The following SGCZ variants were observed in gnomAD, a reference collection of about 807,000 sequenced individuals.
SGCZ encodes the protein zeta-sarcoglycan.
In SGCZ, 40 loss-of-function variants were observed where a neutral mutation model predicts 41.3. That is an observed-to-expected ratio of 0.97 (90% CI 0.75 to 1.26). The LOEUF is 1.26. Ranked by LOEUF, SGCZ falls within the 50% of genes most tolerant of loss-of-function variation. The probability of loss-of-function intolerance (pLI) is 0.00; values close to 1 mark genes in which losing one functional copy is unlikely to be tolerated. For synonymous variants in SGCZ, 206 were observed against 137.5 expected, an observed-to-expected ratio of 1.50 and a Z score of -3.49; for missense variants, 552 against 369.8, an observed-to-expected ratio of 1.49 and a Z score of -4.04.
At chr8:14,471,624 AAAAGTAATTTACCACAAATGTCACATC>A (rs1801215213) in intron 2 of SGCZ, among the ~76,000 whole-genome samples, 1 of 152,098 alleles carries the variant, frequency 6.6e-6, no homozygotes, top group South Asian at 2.1e-4. Context: ...AACTCCCTGG[AAAAGTAATTTACCACAAATGTCACATC>A]AGCTACATAA....
chr8:14,846,472 A>G (rs1051770211), intron 1 of SGCZ, among the ~76,000 whole-genome samples: 3 of 152,080 alleles, frequency 2.0e-5, no homozygotes, highest in African/African-American at 7.2e-5. Flanking sequence ...TAAATCATTA[A>G]TATTAGAAAT....
intron 1 of SGCZ, among the ~76,000 whole-genome samples, chr8:14,602,068 C>A (rs936201137): frequency 1.3e-5 from 2 of 151,778 alleles, no homozygotes; most frequent in South Asian, 2.1e-4. Context: ...TGCAGTGAGC[C>A]GAGATTGCGC....
At chr8:14,531,280 G>A (rs918279456) in intron 2 of SGCZ, among the ~76,000 whole-genome samples, 2 of 151,400 alleles carry the variant, frequency 1.3e-5, no homozygotes, top group East Asian at 2.0e-4. Flanking sequence ...ATCCACTTTC[G>A]GGTCCCCTCT....
chr8:14,250,231 A>T (rs573914456), intron 3 of SGCZ, among the ~76,000 whole-genome samples: 129 of 152,314 alleles, frequency 8.5e-4, no homozygotes, highest in African/African-American at 2.9e-3. Context: ...TGTGGCCCCA[A>T]ATCATAGATC....
At chr8:15,203,869 C>T (rs1300168041) in intron 1 of SGCZ, among the ~76,000 whole-genome samples, 1 of 152,254 alleles carries the variant, frequency 6.6e-6, no homozygotes, top group African/African-American at 2.4e-5. Flanking sequence ...AATTTACAAA[C>T]AATTCAAATG....
At position 14,086,850 on chromosome 8, in the gene SGCZ, C is replaced by T. The variant is rs541450708; in HGVS notation, c.*3593G>A. On this transcript the variant is annotated 3_prime_UTR_variant, in exon 8 of 8. Coordinates refer to ENST00000382080, the MANE Select transcript of SGCZ (RefSeq NM_139167.4). ...ATCACAAATGCTAGTTCAGATATGG[C>T]TACTTAACCTAAGATTTATGAGTGC... Among the ~76,000 whole-genome samples the T allele has an allele frequency of 6.6e-6, 1 of 151,734 alleles. No homozygotes were observed. Among genetic ancestry groups the T allele is most frequent in the African/African-American group, 2.4e-5 (1 of 41,488 alleles).
At chr8:14,106,740 G>A (rs1802216045) in intron 6 of SGCZ, among the ~76,000 whole-genome samples, 1 of 152,144 alleles carries the variant, frequency 6.6e-6, no homozygotes, top group African/African-American at 2.4e-5. Context: ...GACACCAACT[G>A]TGTCTCTCAG....
chr8:14,747,677 T>TTATTATTATTAG (rs1197296313), intron 1 of SGCZ, among the ~76,000 whole-genome samples: 4 of 141,566 alleles, frequency 2.8e-5, no homozygotes, highest in African/African-American at 1.0e-4. Flanking sequence ...ATTATTATTA[T>TTATTATTATTAG]TATTATTATT....
At chr8:14,844,038 C>T (rs1430361298) in intron 1 of SGCZ, among the ~76,000 whole-genome samples, 3 of 150,876 alleles carry the variant, frequency 2.0e-5, no homozygotes, top group Non-Finnish European at 3.0e-5. Context: ...TTATATAATT[C>T]ACATTTTAAA....
chr8:15,215,424 G>A (rs577651019), intron 1 of SGCZ, among the ~76,000 whole-genome samples: 1 of 152,136 alleles, frequency 6.6e-6, no homozygotes, highest in African/African-American at 2.4e-5. Context: ...ATTTTTACAG[G>A]CACTGTTTTA....
intron 1 of SGCZ, among the ~76,000 whole-genome samples, chr8:14,581,879 T>A (rs912674815): frequency 6.6e-6 from 1 of 151,836 alleles, no homozygotes; most frequent in East Asian, 1.9e-4. Context: ...ACAACAGGGG[T>A]TTCAATTTCA....
At chr8:14,807,935 C>T (rs913567646) in intron 1 of SGCZ, among the ~76,000 whole-genome samples, 26 of 151,828 alleles carry the variant, frequency 1.7e-4, no homozygotes, top group Non-Finnish European at 2.9e-4. Context: ...CGCATATCTA[C>T]AACTATCTGA....
chr8:14,325,888 G>C (rs369159052), intron 2 of SGCZ, among the ~76,000 whole-genome samples: 1 of 146,436 alleles, frequency 6.8e-6, no homozygotes, highest in Non-Finnish European at 1.5e-5. Context: ...AGAGGCGGGC[G>C]GATCACGACG....
intron 1 of SGCZ, among the ~76,000 whole-genome samples, chr8:15,199,841 T>C (rs1420771777): frequency 3.9e-5 from 6 of 152,200 alleles, no homozygotes; most frequent in Non-Finnish European, 8.8e-5. Flanking sequence ...AAAAATTTCT[T>C]GTTGAAATGG....
intron 1 of SGCZ, among the ~76,000 whole-genome samples, chr8:14,848,455 A>G (rs1332870596): frequency 6.6e-6 from 1 of 152,206 alleles, no homozygotes; most frequent in Admixed American, 6.5e-5. Flanking sequence ...TTCAATAGAC[A>G]TTATAAAGCT....
chr8:14,403,130 C>T (rs1368061204), intron 2 of SGCZ, among the ~76,000 whole-genome samples: 1 of 149,980 alleles, frequency 6.7e-6, no homozygotes, highest in Non-Finnish European at 1.5e-5. Context: ...GATTTTTGTA[C>T]ATTGATTTTG....
At chr8:14,524,997 T>C (rs560640611) in intron 2 of SGCZ, among the ~76,000 whole-genome samples, 4 of 152,226 alleles carry the variant, frequency 2.6e-5, no homozygotes, top group Non-Finnish European at 5.9e-5. Flanking sequence ...CTCACCACTA[T>C]TCTGACTAGA....
At chr8:14,921,171 C>T (rs977173533) in intron 1 of SGCZ, among the ~76,000 whole-genome samples, 3 of 152,204 alleles carry the variant, frequency 2.0e-5, no homozygotes, top group African/African-American at 7.2e-5. Flanking sequence ...CTCAACTCAG[C>T]TTCCCGCATT....
intron 1 of SGCZ, among the ~76,000 whole-genome samples, chr8:14,618,464 G>T (rs911594458): frequency 2.0e-5 from 3 of 152,098 alleles, no homozygotes; most frequent in African/African-American, 7.2e-5. Context: ...AAACAATCCT[G>T]GCATATTCCA....
Sources: allele counts gnomAD v4.1 joint callset (sites outside exome capture counted in the v4.1 genomes callset), GRCh38; gene constraint gnomAD v4.1.1; transcripts MANE v1.5; gene names NCBI Gene and HGNC (gene_info 2026-07-23, HGNC 2026-07-21).